ZDHHC2: variants seen among roughly 807,000 people sequenced by gnomAD.
ZDHHC2 encodes the protein zDHHC palmitoyltransferase 2.
ZDHHC2 carries 51 observed loss-of-function variants against 55.6 expected under a neutral mutation model. That is an observed-to-expected ratio of 0.92 (90% CI 0.73 to 1.16). The LOEUF is 1.16. Ranked by LOEUF, ZDHHC2 falls within the 50% of genes most tolerant of loss-of-function variation. ZDHHC2 has a pLI of 0.00. For missense variants in ZDHHC2, 491 were observed against 442.4 expected, an observed-to-expected ratio of 1.11 and a Z score of -0.99; for synonymous variants, 199 against 152.9, an observed-to-expected ratio of 1.30 and a Z score of -2.22.
At chr8:17,165,417 A>G (rs548534659) in intron 1 of ZDHHC2, among the ~76,000 whole-genome samples, 1 of 152,198 alleles carries the variant, frequency 6.6e-6, no homozygotes, top group Admixed American at 6.5e-5. Flanking sequence ...AGCATATTTT[A>G]ATGAAATGCA....
At chr8:17,194,704 A>T (rs776694215) in intron 3 of ZDHHC2, among the ~76,000 whole-genome samples, 5 of 152,172 alleles carry the variant, frequency 3.3e-5, no homozygotes, top group Admixed American at 6.5e-5. Flanking sequence ...TGCTATACAC[A>T]GCTATAGTTT....
chr8:17,172,293 G>A (rs1009084414), intron 1 of ZDHHC2, among the ~76,000 whole-genome samples: 18 of 152,182 alleles, frequency 1.2e-4, no homozygotes, highest in African/African-American at 3.9e-4. Context: ...TCTCTTGGCC[G>A]CCGGCTAAAT....
intron 3 of ZDHHC2, among the ~76,000 whole-genome samples, chr8:17,187,226 G>T (rs1052223950): frequency 6.6e-6 from 1 of 152,186 alleles, no homozygotes; most frequent in East Asian, 1.9e-4. Context: ...TAGAGTGATG[G>T]ATCAAATTTG....
At chr8:17,215,438 G>C (rs1056987087) in intron 11 of ZDHHC2, 89 bp downstream of exon 11, 1 of 995,888 alleles carries the variant, frequency 1.0e-6, no homozygotes, top group South Asian at 1.5e-5. Flanking sequence ...ACTACCTACA[G>C]ATGTTTTCTT....
At position 17,186,356 on chromosome 8, in the gene ZDHHC2, A is replaced by G. The variant is rs759119800; in HGVS notation, c.183A>G (p.Leu61=). The G allele has an allele frequency of 1.4e-5, 23 of 1,595,824 alleles. No individual in the cohort carries two copies. Among genetic ancestry groups the G allele is most frequent in the East Asian group, 2.3e-5 (1 of 43,898 alleles). Reference sequence around the variant, plus strand: ...TTGTGTGCCTGATGGCCTATCATCTACTTTTTGCAATGTTTGTCTGGTCAT... The same window carrying G: ...TTGTGTGCCTGATGGCCTATCATCTGCTTTTTGCAATGTTTGTCTGGTCAT... ...EQVVCLMAYH[L]LFAMFVWSYW... The change falls in exon 3 of 13, where the codon CTA becomes CTG. Residue 61 remains leucine, a synonymous_variant. Transcript: ENST00000262096.
chr8:17,186,310 AT>A lies in ZDHHC2; in HGVS notation c.158-19del. 1 of 1,504,426 alleles carries A rather than the reference AT, an allele frequency of 6.6e-7. No individual in the cohort carries two copies. The highest frequency in any genetic ancestry group is 9.1e-7 in the Non-Finnish European group (1 of 1,099,128). 93.2% of individuals were successfully genotyped at this position (1,504,426 alleles called of 1,614,324 possible). A position where few individuals can be genotyped will look rare whatever the true frequency, so the allele number is the denominator to read the frequency against. On this transcript the variant is annotated intron_variant, in intron 2 of 12. Transcript: ENST00000262096. ...TATGTATTTGCATATTATAATGATA[AT>A]TATGTTTTTCTCATTTTAGTTGTGT... is the stretch of plus-strand genomic sequence containing the variant.
chr8:17,209,946 C>G lies in ZDHHC2; in HGVS notation c.745C>G (p.Pro249Ala), dbSNP rs778448204. The change falls in exon 9 of 13, where the codon CCA becomes GCA. Residue 249 changes from proline (P) to alanine (A), a missense_variant. Physicochemically the swap from Pro to Ala is conservative, Grantham distance 27 (BLOSUM62 -1). Coordinates refer to ENST00000262096, the MANE Select transcript of ZDHHC2 (RefSeq NM_016353.5). ...NKSTLEAFRSPVFRHGTDKNG... is the reference protein window; with the variant it reads ...NKSTLEAFRSAVFRHGTDKNG... Reference sequence around the variant, plus strand: ...TCTTTTTTTAGAGGCATTCAGAAGTCCAGTATTTCGACATGGAACAGATAA... The same window carrying G: ...TCTTTTTTTAGAGGCATTCAGAAGTGCAGTATTTCGACATGGAACAGATAA... The G allele has an allele frequency of 3.0e-5, 48 of 1,609,056 alleles. No individual in the cohort carries two copies. Among genetic ancestry groups the G allele is most frequent in the Non-Finnish European group, 3.8e-5 (45 of 1,177,958 alleles).
At chr8:17,158,292 C>T (rs926617675) in intron 1 of ZDHHC2, among the ~76,000 whole-genome samples, 3 of 152,176 alleles carry the variant, frequency 2.0e-5, no homozygotes, top group African/African-American at 7.2e-5. Context: ...CTGTTGGGAA[C>T]CTTTGTTGTG....
chr8:17,187,440 T>C (rs1317931805), intron 3 of ZDHHC2, among the ~76,000 whole-genome samples: 1 of 152,134 alleles, frequency 6.6e-6, no homozygotes, highest in Non-Finnish European at 1.5e-5. Context: ...CTGTAGACTG[T>C]TTACTGAAGT....
intron 1 of ZDHHC2, among the ~76,000 whole-genome samples, chr8:17,161,479 A>G (rs1171982624): frequency 1.3e-5 from 2 of 152,238 alleles, no homozygotes; most frequent in East Asian, 3.8e-4. Flanking sequence ...TGTTTTAAAT[A>G]TTAAAATAGT....
intron 6 of ZDHHC2, among the ~76,000 whole-genome samples, chr8:17,201,993 C>A (rs1348844236): frequency 6.6e-6 from 1 of 152,050 alleles, no homozygotes; most frequent in Non-Finnish European, 1.5e-5. Context: ...AAAACAGATT[C>A]CGTAGTATTT....
In ZDHHC2 at chr8:17,221,050, T is replaced by G. The variant is rs1193700263; in HGVS notation, c.*829T>G. 1 of 152,458 alleles carries G rather than the reference T, an allele frequency of 6.6e-6. No individual in the cohort carries two copies. The highest frequency in any genetic ancestry group is 1.5e-5 in the Non-Finnish European group (1 of 68,008). The allele number at this position is 152,458 out of a possible 1,614,324, so 9.4% of individuals were successfully genotyped here. A position where few individuals can be genotyped will look rare whatever the true frequency, so the allele number is the denominator to read the frequency against. On this transcript the variant is annotated 3_prime_UTR_variant, in exon 13 of 13. Transcript: ENST00000262096. ...CAGTTTGGCTTTCTAAAAATCTCTT[T>G]TTAGATTATTTCTCCTGTTGAACAT...
chr8:17,187,116 G>A (rs1408767745), intron 3 of ZDHHC2, among the ~76,000 whole-genome samples: 1 of 152,224 alleles, frequency 6.6e-6, no homozygotes, highest in Non-Finnish European at 1.5e-5. Flanking sequence ...GAAGGGGGGA[G>A]TGTAGCCTTT....
intron 3 of ZDHHC2, among the ~76,000 whole-genome samples, chr8:17,190,951 C>CTTTTTTTTTTTTTTTT (rs10601402): frequency 1.3e-4 from 7 of 52,778 alleles, no homozygotes; most frequent in Admixed American, 2.8e-4. Context: ...CTTATTCATT[C>CTTTTTTTTTTTTTTTT]TTTTTTTTTT....
At chr8:17,220,086 G>C (rs984788576) in intron 12 of ZDHHC2, among the ~76,000 whole-genome samples, 170 bp from the exon 13 acceptor site, 7 of 152,004 alleles carry the variant, frequency 4.6e-5, no homozygotes, top group Non-Finnish European at 8.8e-5. Context: ...ATTAAAGTTT[G>C]AGCAGTATTG....
intron 1 of ZDHHC2, among the ~76,000 whole-genome samples, chr8:17,161,526 A>T (rs1022226842): frequency 3.3e-5 from 5 of 152,226 alleles, no homozygotes; most frequent in Non-Finnish European, 5.9e-5. Flanking sequence ...TAGAAAACTG[A>T]TGTATGCAAA....
intron 10 of ZDHHC2, 48 bp from the exon 11 acceptor site, chr8:17,215,189 C>A: frequency 2.0e-6 from 3 of 1,501,586 alleles, no homozygotes; most frequent in Non-Finnish European, 1.8e-6. Context: ...ACTTTACTAT[C>A]AAAAATTAGC....
intron 1 of ZDHHC2, 52 bp downstream of exon 1, chr8:17,156,905 C>A: frequency 6.9e-7 from 1 of 1,457,738 alleles, no homozygotes; most frequent in Non-Finnish European, 9.1e-7. Context: ...CCCACCCCGA[C>A]TGTCCCGGGA....
rs916921820 is a variant in ZDHHC2 at position 17,221,150 on chromosome 8, T to A, written c.*929T>A. On this transcript the variant is annotated 3_prime_UTR_variant, in exon 13 of 13. Transcript: ENST00000262096. ...TACCCTCCAGTGATATCTATATTAT[T>A]TCTTTCTCGTCTCATCAAAATGATG... The A allele has an allele frequency of 1.3e-5, 2 of 152,586 alleles. No homozygotes were observed. Among genetic ancestry groups the A allele is most frequent in the Admixed American group, 6.5e-5 (1 of 15,270 alleles). 9.5% of individuals were successfully genotyped at this position (152,586 alleles called of 1,614,324 possible).
Sources: gnomAD v4.1 joint callset for allele counts (sites outside exome capture counted in the v4.1 genomes callset) on GRCh38, gnomAD v4.1.1 for gene constraint, MANE v1.5 for transcripts, NCBI Gene and HGNC (gene_info 2026-07-23, HGNC 2026-07-21) for gene names.